The following KMT2E variants were observed in gnomAD, a reference collection of about 807,000 sequenced individuals.
KMT2E encodes histone reader KMT2E.
KMT2E carries 30 observed loss-of-function variants against 184.6 expected under a neutral mutation model. The observed-to-expected ratio is 0.16, with a 90% confidence interval of 0.12 to 0.22. KMT2E has a LOEUF of 0.22. Ranked by LOEUF, KMT2E falls within the 10% of genes least tolerant of loss-of-function variation. The pLI is 1.00. For synonymous variants in KMT2E, 815 were observed against 776.5 expected, an observed-to-expected ratio of 1.05 and a Z score of -0.82; for missense variants, 2,023 against 2,237.4, an observed-to-expected ratio of 0.90 and a Z score of 1.93.
At chr7:105,060,195 A>G (rs1320262974) in intron 3 of KMT2E, among the ~76,000 whole-genome samples, 2 of 151,380 alleles carry the variant, frequency 1.3e-5, no homozygotes, top group South Asian at 2.1e-4. Flanking sequence ...GGTTTTCACC[A>G]TCTTGGCCAG....
chr7:105,112,929 A>G lies in KMT2E; in HGVS notation c.5173A>G (p.Ser1725Gly), dbSNP rs1799388394. The change falls in exon 27 of 27, where the codon AGT (serine) becomes GGT (glycine). Residue 1725 changes from serine (S) to glycine (G), a missense_variant. Ser to Gly is a moderately conservative substitution (Grantham distance 56, BLOSUM62 0). Around this residue, in one of 8 missense-constraint regions of KMT2E, gnomAD observed 1,108 missense variants for 1,050.9 expected, o/e 1.05. Coordinates refer to ENST00000311117, the MANE Select transcript of KMT2E (RefSeq NM_182931.3). ...ACCACCCCCTCCGCCGCCACCTTCCAGTGTTTTGGCTTCTGGGCATCATAC... is the reference window on the plus strand; with the variant it reads ...ACCACCCCCTCCGCCGCCACCTTCCGGTGTTTTGGCTTCTGGGCATCATAC... ...PPPPPPPPPS[S>G]VLASGHHTTS... The G allele has an allele frequency of 1.2e-6, 2 of 1,613,250 alleles. No individual in the cohort carries two copies. Among genetic ancestry groups the G allele is most frequent in the Non-Finnish European group, 1.7e-6 (2 of 1,179,858 alleles).
At chr7:105,105,206 A>G in intron 17 of KMT2E, 1 of 371,602 alleles carries the variant, frequency 2.7e-6, no homozygotes, top group Non-Finnish European at 4.7e-6. Flanking sequence ...ATAAATATTT[A>G]AAAAGCAACC....
intron 6 of KMT2E, among the ~76,000 whole-genome samples, chr7:105,072,037 C>T (rs895318757): frequency 2.6e-5 from 4 of 151,848 alleles, no homozygotes; most frequent in Admixed American, 2.0e-4. Context: ...GGAGGCCGGG[C>T]GCGGTGGCTC....
chr7:105,095,797 C>T (rs1452479662), intron 15 of KMT2E, among the ~76,000 whole-genome samples: 2 of 152,108 alleles, frequency 1.3e-5, no homozygotes, highest in East Asian at 1.9e-4. Context: ...AAAACCAGGG[C>T]ACTACTGAGT....
chr7:105,056,787 G>A (rs1796584638), intron 3 of KMT2E, among the ~76,000 whole-genome samples: 1 of 152,126 alleles, frequency 6.6e-6, no homozygotes. Context: ...ATCTGTGTAA[G>A]GCATTATAGT....
intron 3 of KMT2E, among the ~76,000 whole-genome samples, chr7:105,050,562 C>G (rs1796286557): frequency 6.6e-6 from 1 of 152,152 alleles, no homozygotes; most frequent in South Asian, 2.1e-4. Flanking sequence ...TCTTGATGTT[C>G]TTCTGCCCCC....
At position 105,016,944 on chromosome 7, in the gene KMT2E, C is replaced by CTT. The variant is rs1314497756; in HGVS notation, c.-189+2410_-189+2411dup. Among the ~76,000 whole-genome samples, 4 of 152,272 alleles carry CTT rather than the reference C, an allele frequency of 2.6e-5. No individual in the cohort carries two copies. The East Asian group carries it at 7.7e-4, about 29-fold the overall frequency. ...ATGGAAGACTGAGCACACAACCTTA[C>CTT]TTAGAATATTTGAAATATTTTATTA... On this transcript the variant is annotated intron_variant, in intron 1 of 26. Coordinates refer to ENST00000311117, the MANE Select transcript of KMT2E (RefSeq NM_182931.3).
chr7:105,089,871 T>C, intron 13 of KMT2E, 138 bp from the exon 14 acceptor site: 1 of 1,257,488 alleles, frequency 8.0e-7, no homozygotes, highest in Non-Finnish European at 1.1e-6. Context: ...TAACTAGGAA[T>C]GTAAATTACT....
intron 3 of KMT2E, among the ~76,000 whole-genome samples, chr7:105,055,643 C>T (rs900501247): frequency 5.9e-5 from 9 of 152,208 alleles, no homozygotes; most frequent in African/African-American, 2.2e-4. Flanking sequence ...GGTAATTGTG[C>T]TGCTGGTTGT....
intron 12 of KMT2E, among the ~76,000 whole-genome samples, chr7:105,080,077 G>A (rs1797698547): frequency 6.6e-6 from 1 of 151,884 alleles, no homozygotes. Flanking sequence ...GAGCTCCTGT[G>A]TTCAAGCAAT....
At chr7:105,043,276 G>T (rs1327715045) in intron 3 of KMT2E, among the ~76,000 whole-genome samples, 1 of 138,106 alleles carries the variant, frequency 7.2e-6, no homozygotes, top group African/African-American at 2.7e-5. Flanking sequence ...TTGCTCTGTC[G>T]CCCAGGCTGG....
chr7:105,112,832 A>T lies in KMT2E; in HGVS notation c.5076A>T (p.Pro1692=), dbSNP rs762314742. The change falls in exon 27 of 27, where the codon CCA becomes CCT. Residue 1692 remains proline, a synonymous_variant. Transcript: ENST00000311117. ...CTGGTCCTGCCCCTCATCACCATCC[A>T]CCACCCCATCCATCCACAGGACTCC... The part of the protein sequence containing the change: ...PPPGPAPHHH[P]PPHPSTGLQG... The T allele has an allele frequency of 8.2e-7, 1 of 1,213,172 alleles. No individual in the cohort carries two copies. Among genetic ancestry groups the T allele is most frequent in the Non-Finnish European group, 1.1e-6 (1 of 948,862 alleles). 75.2% of individuals were successfully genotyped at this position (1,213,172 alleles called of 1,614,324 possible). A position where few individuals can be genotyped will look rare whatever the true frequency, so the allele number is the denominator to read the frequency against.
At chr7:105,042,381 G>A (rs528862589) in intron 3 of KMT2E, among the ~76,000 whole-genome samples, 1 of 152,106 alleles carries the variant, frequency 6.6e-6, no homozygotes, top group South Asian at 2.1e-4. Flanking sequence ...TTTTTCACTT[G>A]TAATACATAC....
At chr7:105,068,623 G>GT (rs1562904316) in intron 6 of KMT2E, among the ~76,000 whole-genome samples, 2 of 134,858 alleles carry the variant, frequency 1.5e-5, no homozygotes, top group African/African-American at 6.2e-5. Flanking sequence ...GACTAGTTGT[G>GT]GTTTTTTTTT....
chr7:105,049,719 C>T (rs1236544442), intron 3 of KMT2E, among the ~76,000 whole-genome samples: 4 of 151,994 alleles, frequency 2.6e-5, no homozygotes, highest in Non-Finnish European at 4.4e-5. Context: ...GGCAAAACCC[C>T]ATGTCTACTA....
chr7:105,024,767 T>G (rs1338081713), intron 1 of KMT2E, among the ~76,000 whole-genome samples: 1 of 152,204 alleles, frequency 6.6e-6, no homozygotes, highest in Non-Finnish European at 1.5e-5. Context: ...TGCTTTATAC[T>G]TTTCCAAGAA....
chr7:105,034,920 A>G (rs1241647680), intron 1 of KMT2E, among the ~76,000 whole-genome samples: 1 of 151,466 alleles, frequency 6.6e-6, no homozygotes, highest in Middle Eastern at 3.2e-3. Flanking sequence ...CAGTGGTGCA[A>G]TCCTGGCTCA....
chr7:105,035,742 A>G (rs1795624528), intron 1 of KMT2E, among the ~76,000 whole-genome samples: 1 of 151,762 alleles, frequency 6.6e-6, no homozygotes, highest in African/African-American at 2.4e-5. Context: ...TATTTCTAGT[A>G]GAGGTGGGGT....
intron 3 of KMT2E, among the ~76,000 whole-genome samples, chr7:105,050,833 G>T (rs1796308200): frequency 1.3e-5 from 2 of 151,698 alleles, no homozygotes; most frequent in South Asian, 4.2e-4. Flanking sequence ...GGATTCAAGT[G>T]AGCCTTGTGC....
Sources: gnomAD v4.1 joint callset for allele counts (sites outside exome capture counted in the v4.1 genomes callset) on GRCh38, gnomAD v4.1.1 for gene constraint, gnomAD v4.1.1 regional missense constraint, MANE v1.5 for transcripts, NCBI Gene and HGNC (gene_info 2026-07-23, HGNC 2026-07-21) for gene names.